CDH4: variants seen among roughly 807,000 people sequenced by gnomAD.
CDH4 encodes cadherin-4.
CDH4 carries 33 observed loss-of-function variants against 86.0 expected under a neutral mutation model. The ratio of observed to expected loss-of-function variants is 0.38; its 90% CI spans 0.29 to 0.51. The LOEUF (loss-of-function observed/expected upper bound fraction) is 0.51, where lower values mean the gene tolerates loss of function less well. Ranked by LOEUF, CDH4 falls within the 20% of genes least tolerant of loss-of-function variation. The pLI is 0.86. For synonymous variants in CDH4, 555 were observed against 549.4 expected (o/e 1.01, Z -0.14); for missense variants, 1,114 against 1,307.4 (o/e 0.85, Z 2.28).
At chr20:61,677,647 G>A (rs2087457474) in intron 2 of CDH4, among the ~76,000 whole-genome samples, 1 of 106,680 alleles carries the variant, frequency 9.4e-6, no homozygotes, top group Non-Finnish European at 2.1e-5. Flanking sequence ...AAGGATAAGT[G>A]GGTAGGTAGG....
chr20:61,698,658 C>T (rs1032186472), intron 2 of CDH4, among the ~76,000 whole-genome samples: 3 of 152,226 alleles, frequency 2.0e-5, no homozygotes, highest in South Asian at 2.1e-4. Context: ...TTGGTGCTGC[C>T]GACATGTGGG....
intron 2 of CDH4, among the ~76,000 whole-genome samples, chr20:61,364,912 G>A (rs1158853116): frequency 1.3e-5 from 2 of 152,166 alleles, no homozygotes; most frequent in Non-Finnish European, 2.9e-5. Flanking sequence ...CTTGCAGAGT[G>A]GGGACAGCAG....
chr20:61,863,948 CGGGT>C (rs1255537898), intron 6 of CDH4, among the ~76,000 whole-genome samples: 1 of 25,894 alleles, frequency 3.9e-5, no homozygotes, highest in Admixed American at 7.6e-4. Flanking sequence ...AGCCCTTGGG[CGGGT>C]GGACTGGAGC....
rs527795069 is a variant in CDH4, at chr20:61,844,724, C to T, written c.633C>T (p.Gly211=). The T allele has an allele frequency of 4.3e-6, 7 of 1,613,898 alleles. No individual in the cohort carries two copies. Among genetic ancestry groups the T allele is most frequent in the South Asian group, 3.3e-5 (3 of 91,036 alleles). The change falls in exon 5 of 16, where the codon GGC becomes GGT. Residue 211 remains glycine, a synonymous_variant. Transcript: ENST00000614565. The stretch of plus-strand genomic sequence containing the variant: ...TCCGGTACAGCATCACGGGAGTGGG[C>T]GCCGACCAGCCCCCCATGGAGGTCT... ...IPIRYSITGV[G]ADQPPMEVFS... is the part of the protein sequence containing the mutation.
At chr20:61,497,334 T>C (rs1157848501) in intron 2 of CDH4, among the ~76,000 whole-genome samples, 3 of 152,208 alleles carry the variant, frequency 2.0e-5, no homozygotes, top group Non-Finnish European at 2.9e-5. Context: ...TTAATTTGTT[T>C]TAGAATTCTA....
intron 3 of CDH4, among the ~76,000 whole-genome samples, chr20:61,755,938 C>G (rs1405313587): frequency 6.6e-6 from 1 of 152,220 alleles, no homozygotes; most frequent in Non-Finnish European, 1.5e-5. Context: ...GGACCCAGCA[C>G]TTCACAGGGT....
In CDH4 at chr20:61,619,616, G is replaced by A. The variant is rs142003933; in HGVS notation, c.170-123947G>A. Among the ~76,000 whole-genome samples, 10 of 152,320 alleles carry A rather than the reference G, an allele frequency of 6.6e-5. No homozygotes were observed. In the East Asian group the frequency reaches 1.9e-3, roughly 29 times the overall value. Reference sequence around the variant, plus strand: ...CGATGTCTGCTCAAGTCTGGTTCAGGCTGTGTGAGGCTCTCCTGGTCTCCA... The same window carrying A: ...CGATGTCTGCTCAAGTCTGGTTCAGACTGTGTGAGGCTCTCCTGGTCTCCA... On this transcript the variant is annotated intron_variant, in intron 2 of 15. Transcript: ENST00000614565.
intron 4 of CDH4, 73 bp from the exon 5 acceptor site, chr20:61,844,595 G>A: frequency 2.1e-6 from 3 of 1,427,252 alleles, no homozygotes; most frequent in Non-Finnish European, 1.9e-6. Flanking sequence ...GAGAGGGGAT[G>A]AATGTCAGAG....
chr20:61,264,338 C>T (rs1397430146), intron 2 of CDH4, among the ~76,000 whole-genome samples: 5 of 151,968 alleles, frequency 3.3e-5, no homozygotes, highest in Admixed American at 2.0e-4. Context: ...ATCTCAGTGG[C>T]TCCTTCATTC....
At chr20:61,674,726 ACATT>A (rs1267739856) in intron 2 of CDH4, among the ~76,000 whole-genome samples, 1 of 152,238 alleles carries the variant, frequency 6.6e-6, no homozygotes, top group Non-Finnish European at 1.5e-5. Flanking sequence ...GCGAAATCTG[ACATT>A]CATTTTGGGG....
intron 2 of CDH4, among the ~76,000 whole-genome samples, chr20:61,666,806 G>A (rs1472955839): frequency 6.6e-6 from 1 of 152,246 alleles, no homozygotes; most frequent in Non-Finnish European, 1.5e-5. Context: ...GCTGCTCACA[G>A]CTCACTGTCA....
At chr20:61,852,370 G>A (rs1982765671) in intron 5 of CDH4, among the ~76,000 whole-genome samples, 1 of 152,218 alleles carries the variant, frequency 6.6e-6, no homozygotes, top group Non-Finnish European at 1.5e-5. Context: ...TGTCTTTTCT[G>A]TTGCCACTTT....
intron 2 of CDH4, among the ~76,000 whole-genome samples, chr20:61,453,957 A>G (rs894828624): frequency 6.6e-6 from 1 of 152,032 alleles, no homozygotes; most frequent in African/African-American, 2.4e-5. Flanking sequence ...CGCCTTGTGA[A>G]GAAGGATAGG....
At chr20:61,885,311 C>A (rs1044609522) in intron 7 of CDH4, among the ~76,000 whole-genome samples, 1 of 151,846 alleles carries the variant, frequency 6.6e-6, no homozygotes, top group Admixed American at 6.5e-5. Flanking sequence ...CCCTTACCCC[C>A]AGCTCCCCCA....
intron 2 of CDH4, among the ~76,000 whole-genome samples, chr20:61,342,915 C>CATT (rs11473732): frequency 0.18 from 27,791 of 152,238 alleles, 2,690 homozygotes; most frequent in African/African-American, 0.23. Context: ...CTCAAATGAA[C>CATT]ATTAGCCTCT....
intron 8 of CDH4, among the ~76,000 whole-genome samples, chr20:61,896,922 G>A (rs868680178): frequency 1.3e-5 from 2 of 152,190 alleles, no homozygotes; most frequent in Non-Finnish European, 2.9e-5. Context: ...ATGGCAGGGA[G>A]GGAGGGGAGA....
intron 2 of CDH4, among the ~76,000 whole-genome samples, chr20:61,299,900 G>C (rs527519894): frequency 2.0e-5 from 3 of 152,198 alleles, no homozygotes; most frequent in Non-Finnish European, 4.4e-5. Flanking sequence ...GGGGCATGAC[G>C]CTTACAGGAG....
At chr20:61,280,761 C>T (rs2084254269) in intron 2 of CDH4, among the ~76,000 whole-genome samples, 1 of 152,188 alleles carries the variant, frequency 6.6e-6, no homozygotes, top group South Asian at 2.1e-4. Context: ...GCTTATGCAG[C>T]ATCCCTGCGT....
At chr20:61,864,125 C>G (rs1048468752) in intron 6 of CDH4, among the ~76,000 whole-genome samples, 2 of 152,258 alleles carry the variant, frequency 1.3e-5, no homozygotes, top group Non-Finnish European at 2.9e-5. Flanking sequence ...GGGCCTAAGA[C>G]GGTGGAGGCA....
Sources: gnomAD v4.1 joint callset for allele counts (sites outside exome capture counted in the v4.1 genomes callset) on GRCh38, gnomAD v4.1.1 for gene constraint, MANE v1.5 for transcripts, NCBI Gene and HGNC (gene_info 2026-07-23, HGNC 2026-07-21) for gene names.